The following DIAPH1 variants were observed in gnomAD, a reference collection of about 807,000 sequenced individuals.
The protein encoded by DIAPH1 is diaphanous related formin 1.
DIAPH1 carries 46 observed loss-of-function variants against 140.7 expected under a neutral mutation model. That is an observed-to-expected ratio of 0.33 (90% CI 0.26 to 0.42). The LOEUF is 0.42. DIAPH1 is among the 10% of genes least tolerant of loss of function. The pLI, the probability that DIAPH1 is intolerant of heterozygous loss-of-function variation, is 1.00. For synonymous variants in DIAPH1, 565 were observed against 551.6 expected (o/e 1.02, Z -0.34); for missense variants, 1,310 against 1,558.7 (o/e 0.84, Z 2.69).
rs371458401 is a variant in DIAPH1, at chr5:141,526,842, G to A, written c.3274-381C>T. On this transcript the variant is annotated intron_variant, in intron 24 of 27. Transcript: ENST00000389054. ...CTCCCAAGTAGCTGGAACTACAGGC[G>A]CGCACCATCACGCCCAGCTGATTTT... 2.2e-3 allele frequency among the ~76,000 whole-genome samples: 312 copies of A among 144,802 alleles called. 4 individuals are homozygous for A. In the South Asian group the frequency reaches 0.054, roughly 25 times the overall value. The allele number at this position is 144,802 out of a possible 152,430, so 95.0% of individuals were successfully genotyped here.
Position 141,573,719 on chromosome 5 carries a change from C to T in DIAPH1, c.2131G>A (p.Ala711Thr), listed in dbSNP as rs1315355851. The part of the protein sequence containing the change: ...PPPPPPLPGE[A>T]GMPPPPPPLP... ...GGGGGAGGAGGAGGTGGCATTCCTG[C>T]TTCTCCAGGCAAGGGAGGAGGTGGG... The change falls in exon 16 of 28, where the codon GCA (alanine) becomes ACA (threonine). Residue 711 changes from alanine (A) to threonine (T), a missense_variant. By Grantham distance (58) the Ala-to-Thr change is moderately conservative. Transcript: ENST00000389054. 4 of 1,570,202 alleles carry T rather than the reference C, an allele frequency of 2.5e-6. No homozygotes were observed. The highest frequency in any genetic ancestry group is 3.5e-6 in the Non-Finnish European group (4 of 1,157,290).
In DIAPH1 at chr5:141,591,695, G is replaced by GATATATATATAT. The variant is rs56117502; in HGVS notation, c.118-3457_118-3446dup. ...TGGAAAAGGAAGGAAGGGAGATGGG[G>GATATATATATAT]ATATATATATATATATATATATATA... is the stretch of plus-strand genomic sequence containing the variant. On this transcript the variant is annotated intron_variant, in intron 1 of 27. Coordinates refer to ENST00000389054, the MANE Select transcript of DIAPH1 (RefSeq NM_005219.5). Among the ~76,000 whole-genome samples, 493 of 86,192 alleles carry GATATATATATAT rather than the reference G, an allele frequency of 5.7e-3. 32 individuals carry two copies. Among genetic ancestry groups the GATATATATATAT allele is most frequent in the African/African-American group, 0.02 (349 of 17,366 alleles). 56.5% of individuals were successfully genotyped at this position (86,192 alleles called of 152,430 possible). A position where few individuals can be genotyped will look rare whatever the true frequency, so the allele number is the denominator to read the frequency against.
rs2154596297 is a variant in DIAPH1 at position 141,573,840 on chromosome 5, A to G, written c.2010T>C (p.Pro670=). 6.6e-7 allele frequency: 1 copy of G among 1,524,812 alleles called. No individual in the cohort carries two copies. The highest frequency in any genetic ancestry group is 8.8e-7 in the Non-Finnish European group (1 of 1,132,988). 94.5% of individuals were successfully genotyped at this position (1,524,812 alleles called of 1,614,324 possible). A position where few individuals can be genotyped will look rare whatever the true frequency, so the allele number is the denominator to read the frequency against. Residue 670 remains proline, a synonymous_variant, in exon 16 of 28, where the codon CCT becomes CCC. Transcript: ENST00000389054. ...GVGIPSPSSL[P]GGTAIPPPPP... is the part of the protein sequence containing the mutation. ...GAGGTGGGGGGATGGCAGTACCTCC[A>G]GGCAAAGAAGAGGGTGAAGGGATGC...
At chr5:141,539,413 GTTTTGTTTTTTT>G (rs972474365) in intron 18 of DIAPH1, among the ~76,000 whole-genome samples, 16 of 138,720 alleles carry the variant, frequency 1.2e-4, no homozygotes, top group South Asian at 2.2e-4. Flanking sequence ...TTTTTGGGTA[GTTTTGTTTTTTT>G]TTTTGTTTTT....
intron 1 of DIAPH1, among the ~76,000 whole-genome samples, chr5:141,598,151 A>T (rs2099899608): frequency 6.6e-6 from 1 of 151,992 alleles, no homozygotes; most frequent in Non-Finnish European, 1.5e-5. Context: ...TGCCTGGAAG[A>T]CTCCATCTAA....
chr5:141,516,571 C>G lies in DIAPH1; in HGVS notation c.*280G>C. Reference sequence around the variant, plus strand: ...GGCCCTCTGAGTAACAGAGAGGAGACAGGGTTAAGGCAGCAAACATGGACC... The same window carrying G: ...GGCCCTCTGAGTAACAGAGAGGAGAGAGGGTTAAGGCAGCAAACATGGACC... On this transcript the variant is annotated 3_prime_UTR_variant, in exon 28 of 28. Coordinates refer to ENST00000389054, the MANE Select transcript of DIAPH1 (RefSeq NM_005219.5). 2 of 487,636 alleles carry G rather than the reference C, an allele frequency of 4.1e-6. No homozygotes were observed. Among genetic ancestry groups the G allele is most frequent in the East Asian group, 3.9e-5 (1 of 25,602 alleles). The allele number at this position is 487,636 out of a possible 1,614,324, so 30.2% of individuals were successfully genotyped here.
chr5:141,617,290 A>T (rs191384595), intron 1 of DIAPH1, among the ~76,000 whole-genome samples: 1 of 151,552 alleles, frequency 6.6e-6, no homozygotes, highest in Non-Finnish European at 1.5e-5. Context: ...CCTTAACCTT[A>T]TATTTCTAGG....
chr5:141,601,831 C>A (rs1224341247), intron 1 of DIAPH1, among the ~76,000 whole-genome samples: 3 of 152,126 alleles, frequency 2.0e-5, no homozygotes, highest in Non-Finnish European at 4.4e-5. Flanking sequence ...TATGACAGTA[C>A]ACTATGATTG....
intron 18 of DIAPH1, 89 bp downstream of exon 18, chr5:141,571,339 G>A: frequency 8.5e-7 from 1 of 1,176,818 alleles, no homozygotes; most frequent in East Asian, 2.4e-5. Context: ...TCTGGTCTCA[G>A]TTTTCTAATG....
chr5:141,601,412 C>T (rs1242017574), intron 1 of DIAPH1, among the ~76,000 whole-genome samples: 1 of 151,976 alleles, frequency 6.6e-6, no homozygotes, highest in African/African-American at 2.4e-5. Flanking sequence ...CTCAGCCTCC[C>T]GAGTAGCTGG....
intron 3 of DIAPH1, 59 bp from the exon 4 acceptor site, chr5:141,584,284 T>C: frequency 1.1e-6 from 1 of 935,852 alleles, no homozygotes; most frequent in Non-Finnish European, 1.7e-6. Flanking sequence ...TACAAATTTT[T>C]AGTGTTTAAT....
chr5:141,582,170 G>T, intron 7 of DIAPH1, 142 bp downstream of exon 7: 1 of 680,512 alleles, frequency 1.5e-6, no homozygotes, highest in South Asian at 1.6e-5. Flanking sequence ...TGTATATGTG[G>T]CAATGAAAAA....
Position 141,565,390 on chromosome 5 carries a change from G to A in DIAPH1, c.2482+6038C>T, listed in dbSNP as rs145662519. ...CCATTCCTTTATTAGAATAACATAT[G>A]TATATAAAAAGTATGATTTAACCAC... On this transcript the variant is annotated intron_variant, in intron 18 of 27. Coordinates refer to ENST00000389054, the MANE Select transcript of DIAPH1 (RefSeq NM_005219.5). This position sits in a 1 kb window ranked among gnomAD's most constrained non-coding sequence, Gnocchi z 4.3. The A allele has an allele frequency of 1.3e-5, 2 of 152,220 alleles. No homozygotes were observed. The highest frequency in any genetic ancestry group is 3.9e-4 in the East Asian group (2 of 5,192). 9.4% of individuals were successfully genotyped at this position (152,220 alleles called of 1,614,324 possible).
chr5:141,617,478 A>AG (rs1643980089), intron 1 of DIAPH1, among the ~76,000 whole-genome samples: 1 of 152,180 alleles, frequency 6.6e-6, no homozygotes, highest in Admixed American at 6.5e-5. Flanking sequence ...TCAACCCTCT[A>AG]GGTCATAAAA....
chr5:141,610,019 C>T (rs1316522474), intron 1 of DIAPH1, among the ~76,000 whole-genome samples: 2 of 152,148 alleles, frequency 1.3e-5, no homozygotes, highest in Non-Finnish European at 2.9e-5. Flanking sequence ...AGAGAGAAGC[C>T]GAGCACAGTG....
Position 141,578,640 on chromosome 5 carries a change from T to C in DIAPH1, c.934-15A>G, listed in dbSNP as rs766337209. On this transcript the variant is annotated splice_polypyrimidine_tract_variant and intron_variant, in intron 9 of 27. Coordinates refer to ENST00000389054, the MANE Select transcript of DIAPH1 (RefSeq NM_005219.5). ...AGGCATCCAACCTAAAATAAGAAAATTCAGCAGCTATGTCAATGCTAACTC... is the reference window on the plus strand; with the variant it reads ...AGGCATCCAACCTAAAATAAGAAAACTCAGCAGCTATGTCAATGCTAACTC... The C allele has an allele frequency of 1.3e-6, 2 of 1,597,184 alleles. No individual in the cohort carries two copies. Among genetic ancestry groups the C allele is most frequent in the Non-Finnish European group, 1.7e-6 (2 of 1,166,012 alleles).
chr5:141,585,636 C>T (rs949930597), intron 3 of DIAPH1, among the ~76,000 whole-genome samples: 1 of 152,096 alleles, frequency 6.6e-6, no homozygotes, highest in Non-Finnish European at 1.5e-5. Context: ...CCTATCTCTA[C>T]TCAAGCTACA....
At chr5:141,576,080 T>C (rs374450977) in intron 14 of DIAPH1, 150 bp downstream of exon 14, 2 of 677,624 alleles carry the variant, frequency 3.0e-6, no homozygotes, top group East Asian at 2.6e-5. Context: ...ATGACTACCC[T>C]ATACTGGAAA....
chr5:141,603,071 T>C (rs908602187), intron 1 of DIAPH1, among the ~76,000 whole-genome samples: 10 of 152,102 alleles, frequency 6.6e-5, no homozygotes, highest in African/African-American at 2.2e-4. Context: ...ATATAAACTA[T>C]AAACCTAGAA....
Sources: allele counts gnomAD v4.1 joint callset (sites outside exome capture counted in the v4.1 genomes callset), GRCh38; gene constraint gnomAD v4.1.1; non-coding constraint Gnocchi (gnomAD v3.1); transcripts MANE v1.5; gene names NCBI Gene and HGNC (gene_info 2026-07-23, HGNC 2026-07-21).